NRXN3: variants seen among roughly 807,000 people sequenced by gnomAD.
The protein encoded by NRXN3 is neurexin III.
A neutral mutation model predicts 137.6 loss-of-function variants in NRXN3; 32 were observed. The ratio of observed to expected loss-of-function variants is 0.23; its 90% confidence interval spans 0.18 to 0.31. NRXN3 has a LOEUF of 0.31. Among genes scored for constraint, NRXN3 ranks in the 10% least tolerant of loss-of-function variants. The pLI, the probability that NRXN3 is intolerant of heterozygous loss-of-function variation, is 1.00. For missense variants in NRXN3, 1,574 were observed against 2,062.5 expected, an observed-to-expected ratio of 0.76 and a Z score of 4.59; for synonymous variants, 798 against 784.5, an observed-to-expected ratio of 1.02 and a Z score of -0.29.
chr14:78,759,401 C>T (rs192485767), intron 8 of NRXN3, among the ~76,000 whole-genome samples: 3 of 152,250 alleles, frequency 2.0e-5, no homozygotes. Context: ...GATATTTTTG[C>T]AAATGAGGAC....
intron 16 of NRXN3, among the ~76,000 whole-genome samples, chr14:79,534,859 G>T (rs1317592909): frequency 2.6e-5 from 4 of 152,120 alleles, no homozygotes; most frequent in African/African-American, 9.7e-5. Context: ...AAAAACCTGG[G>T]ATTTTATAAG....
intron 15 of NRXN3, among the ~76,000 whole-genome samples, chr14:78,988,963 A>G (rs2099513027): frequency 6.6e-6 from 1 of 152,068 alleles, no homozygotes; most frequent in Non-Finnish European, 1.5e-5. Flanking sequence ...GATGGTGGAG[A>G]CACCTCAATG....
chr14:79,635,417 A>C (rs910524515), intron 16 of NRXN3, among the ~76,000 whole-genome samples: 2 of 152,224 alleles, frequency 1.3e-5, no homozygotes, highest in Non-Finnish European at 2.9e-5. Context: ...CCAGGAATGG[A>C]AAGTGGGAAT....
intron 20 of NRXN3, among the ~76,000 whole-genome samples, chr14:79,858,620 A>G (rs1217389104): frequency 1.3e-5 from 2 of 152,068 alleles, no homozygotes; most frequent in Non-Finnish European, 2.9e-5. Flanking sequence ...CACATGTTAA[A>G]CCTGTGTTAC....
chr14:79,355,249 GTCC>G (rs1161721869), intron 15 of NRXN3, among the ~76,000 whole-genome samples: 2 of 147,834 alleles, frequency 1.4e-5, no homozygotes, highest in African/African-American at 5.3e-5. Context: ...GGGCTTTTCT[GTCC>G]CCCACCCCCT....
At chr14:78,662,002 A>C (rs2097846076) in intron 6 of NRXN3, among the ~76,000 whole-genome samples, 1 of 151,728 alleles carries the variant, frequency 6.6e-6, no homozygotes, top group African/African-American at 2.4e-5. Context: ...CAGTCTCCGA[A>C]GTAGCTGGGA....
At chr14:79,821,958 A>T (rs1015429129) in intron 20 of NRXN3, among the ~76,000 whole-genome samples, 2 of 152,120 alleles carry the variant, frequency 1.3e-5, no homozygotes, top group Admixed American at 6.6e-5. Context: ...TTAAACTGAG[A>T]TAACATCCAA....
chr14:79,141,954 C>T (rs1057218176), intron 15 of NRXN3, among the ~76,000 whole-genome samples: 1 of 152,134 alleles, frequency 6.6e-6, no homozygotes, highest in African/African-American at 2.4e-5. Context: ...CCACCATCAG[C>T]TTCTATTGAG....
At chr14:78,482,739 G>A (rs1599262265) in intron 4 of NRXN3, among the ~76,000 whole-genome samples, 1 of 152,214 alleles carries the variant, frequency 6.6e-6, no homozygotes, top group South Asian at 2.1e-4. Context: ...ATTTGTTCCT[G>A]TGGATAATCT....
In NRXN3 at chr14:78,449,590, T is replaced by A. The variant is rs1422389525; in HGVS notation, c.757+151730T>A. Reference sequence around the variant, plus strand: ...CACAGATATTTTTCTCTATTTTTTATTAGAGCGTTCACGTTTATATCACGC... The same window carrying A: ...CACAGATATTTTTCTCTATTTTTTAATAGAGCGTTCACGTTTATATCACGC... On this transcript the variant is annotated intron_variant, in intron 4 of 20. Transcript: ENST00000335750. Among the ~76,000 whole-genome samples the A allele has an allele frequency of 2.0e-5, 3 of 152,224 alleles. No individual in the cohort carries two copies. The East Asian group carries it at 5.8e-4, about 29-fold the overall frequency.
chr14:78,647,854 T>A (rs1162714358), intron 5 of NRXN3, among the ~76,000 whole-genome samples: 2 of 152,260 alleles, frequency 1.3e-5, no homozygotes, highest in Non-Finnish European at 2.9e-5. Flanking sequence ...TACATTTGAA[T>A]GGTGGGATCT....
intron 14 of NRXN3, among the ~76,000 whole-genome samples, chr14:78,981,811 C>T (rs1484726450): frequency 6.6e-6 from 1 of 152,110 alleles, no homozygotes; most frequent in Non-Finnish European, 1.5e-5. Context: ...TCCCCCAAGA[C>T]ATGTTTTTCT....
rs186836895 is a variant in NRXN3, at chr14:78,224,259, A to G, written c.-703-18132A>G. The stretch of plus-strand genomic sequence containing the variant: ...TTTGATGAGACATTGTCATACCTAC[A>G]TTTACTTTTTTTGTTTTATTTTATT... On this transcript the variant is annotated intron_variant, in intron 1 of 20. Transcript: ENST00000335750. Among the ~76,000 whole-genome samples, 273 of 150,172 alleles carry G rather than the reference A, an allele frequency of 1.8e-3. 1 individual carries two copies. Among genetic ancestry groups the G allele is most frequent in the African/African-American group, 6.4e-3 (260 of 40,756 alleles).
At chr14:79,191,570 A>G (rs2153180008) in intron 15 of NRXN3, among the ~76,000 whole-genome samples, 1 of 152,314 alleles carries the variant, frequency 6.6e-6, no homozygotes, top group South Asian at 2.1e-4. Flanking sequence ...AAAATATCCA[A>G]ATATTCCAGC....
At chr14:79,353,684 ATAT>A (rs2093316039) in intron 15 of NRXN3, among the ~76,000 whole-genome samples, 2 of 152,280 alleles carry the variant, frequency 1.3e-5, no homozygotes, top group South Asian at 2.1e-4. Context: ...TATGCCTGAC[ATAT>A]TGCTGGGTGC....
At chr14:79,349,986 GT>G (rs979263807) in intron 15 of NRXN3, among the ~76,000 whole-genome samples, 1 of 152,176 alleles carries the variant, frequency 6.6e-6, no homozygotes, top group Non-Finnish European at 1.5e-5. Context: ...CATAGCATTT[GT>G]GGTAGTTTGT....
intron 19 of NRXN3, among the ~76,000 whole-genome samples, chr14:79,725,660 C>T (rs564480549): frequency 6.6e-6 from 1 of 152,214 alleles, no homozygotes; most frequent in African/African-American, 2.4e-5. Flanking sequence ...GTGGTATATC[C>T]CAGGCACGTT....
chr14:78,696,747 G>T (rs1434237071), intron 6 of NRXN3, among the ~76,000 whole-genome samples: 9 of 151,998 alleles, frequency 5.9e-5, no homozygotes, highest in Admixed American at 5.9e-4. Context: ...ATTCTCAAAG[G>T]TATTGTCACA....
chr14:79,208,843 GA>G lies in NRXN3; in HGVS notation c.3262+220709del, dbSNP rs967434164. 1.1e-4 allele frequency among the ~76,000 whole-genome samples: 16 copies of G among 152,208 alleles called. No homozygotes were observed. The East Asian group carries it at 1.9e-3, about 18-fold the overall frequency. On this transcript the variant is annotated intron_variant, in intron 15 of 20. Coordinates refer to ENST00000335750, the MANE Select transcript of NRXN3 (RefSeq NM_001330195.2). ...TTGCCAGTGTAAGAGTATACTTTAA[GA>G]AAAAAATTCAGCACATTTTACCAGT...
Sources: gnomAD v4.1 joint callset for allele counts (sites outside exome capture counted in the v4.1 genomes callset) on GRCh38, gnomAD v4.1.1 for gene constraint, MANE v1.5 for transcripts, NCBI Gene and HGNC (gene_info 2026-07-23, HGNC 2026-07-21) for gene names.